The following COLQ variants were observed in gnomAD, a reference collection of about 807,000 sequenced individuals.
COLQ encodes the protein collagen like tail subunit of asymmetric acetylcholinesterase.
A neutral mutation model predicts 69.0 loss-of-function variants in COLQ; 48 were observed. The ratio of observed to expected loss-of-function variants is 0.70; its 90% CI spans 0.55 to 0.88. COLQ has a LOEUF of 0.88. Among genes scored for constraint, COLQ ranks in the 40% least tolerant of loss-of-function variants. The pLI is 0.00. For missense variants in COLQ, 618 were observed against 594.6 expected, an observed-to-expected ratio of 1.04 and a Z score of -0.41; for synonymous variants, 217 against 211.2, an observed-to-expected ratio of 1.03 and a Z score of -0.24.
intron 11 of COLQ, among the ~76,000 whole-genome samples, chr3:15,467,391 T>C (rs939884067): frequency 3.9e-5 from 6 of 152,186 alleles, no homozygotes; most frequent in Admixed American, 6.5e-5. Context: ...GATGTGAAAA[T>C]GTGGTTTGTA....
intron 16 of COLQ, among the ~76,000 whole-genome samples, 168 bp from the exon 17 acceptor site, chr3:15,451,881 TG>T (rs1207321187): frequency 1.3e-5 from 2 of 152,186 alleles, no homozygotes; most frequent in African/African-American, 4.8e-5. Context: ...CTGGGATTTT[TG>T]CCTTGAGGTC....
At chr3:15,510,924 A>G (rs2062977482) in intron 1 of COLQ, among the ~76,000 whole-genome samples, 1 of 152,050 alleles carries the variant, frequency 6.6e-6, no homozygotes, top group African/African-American at 2.4e-5. Flanking sequence ...CTCTCAGCTA[A>G]TGGGTTACGG....
rs904919131 is a variant in COLQ, at chr3:15,473,139, C to T, written c.636+861G>A. 5.3e-5 allele frequency among the ~76,000 whole-genome samples: 8 copies of T among 151,856 alleles called. No homozygotes were observed. The highest frequency in any genetic ancestry group is 1.5e-4 in the African/African-American group (6 of 41,286). On this transcript the variant is annotated intron_variant, in intron 10 of 16. Transcript: ENST00000383788. The surrounding 1 kb of genome is among the most constrained non-coding windows in gnomAD (Gnocchi z 4.0). ...TTAAGCCTTGTCCCAAGCAAGATATCCATTAAATATTTAACTATTTATTTA... is the reference window on the plus strand; with the variant it reads ...TTAAGCCTTGTCCCAAGCAAGATATTCATTAAATATTTAACTATTTATTTA...
intron 1 of COLQ, among the ~76,000 whole-genome samples, chr3:15,512,934 C>T (rs554837831): frequency 8.5e-5 from 13 of 152,330 alleles, no homozygotes; most frequent in African/African-American, 3.1e-4. Flanking sequence ...AGAGGCCCTA[C>T]TCCTAACCAC....
chr3:15,501,388 C>T (rs2062828436), intron 1 of COLQ, among the ~76,000 whole-genome samples: 1 of 152,210 alleles, frequency 6.6e-6, no homozygotes, highest in Non-Finnish European at 1.5e-5. Flanking sequence ...TGTCTCCCAC[C>T]ACTACCTCAC....
intron 1 of COLQ, among the ~76,000 whole-genome samples, chr3:15,519,481 A>C (rs902194062): frequency 3.9e-5 from 6 of 152,176 alleles, no homozygotes; most frequent in Non-Finnish European, 7.3e-5. Flanking sequence ...TAAGGCTCCA[A>C]ATCTGCCTGG....
At position 15,475,438 on chromosome 3, in the gene COLQ, G is replaced by A; in HGVS notation, c.515C>T (p.Pro172Leu). 6.2e-7 allele frequency: 1 copy of A among 1,600,016 alleles called. No homozygotes were observed. The highest frequency in any genetic ancestry group is 1.1e-5 in the South Asian group (1 of 88,538). The change falls in exon 7 of 17, where the codon CCA (proline) becomes CTA (leucine). Residue 172 changes from proline (P) to leucine (L), a missense_variant. Physicochemically the swap from Pro to Leu is moderately conservative, Grantham distance 98. Coordinates refer to ENST00000383788, the MANE Select transcript of COLQ (RefSeq NM_005677.4). Reference sequence around the variant, plus strand: ...CCCCACACTGACCTTGGAGCCCATTGGTCCTCTTGACCCTGGCAAGCCCAT... The same window carrying A: ...CCCCACACTGACCTTGGAGCCCATTAGTCCTCTTGACCCTGGCAAGCCCAT... Reference protein sequence around the residue: ...GMMGLPGSRGPMGSKGYPGSR... With the variant: ...GMMGLPGSRGLMGSKGYPGSR...
intron 6 of COLQ, among the ~76,000 whole-genome samples, chr3:15,476,748 CCTT>C (rs2062385588): frequency 6.6e-6 from 1 of 152,212 alleles, no homozygotes; most frequent in Non-Finnish European, 1.5e-5. Context: ...GCCAACACCA[CCTT>C]CTCAACTCTC....
At chr3:15,480,248 T>C (rs1326634676) in intron 3 of COLQ, among the ~76,000 whole-genome samples, 1 of 152,244 alleles carries the variant, frequency 6.6e-6, no homozygotes, top group Non-Finnish European at 1.5e-5. Context: ...TTGTTACATA[T>C]GTATACATGT....
chr3:15,506,366 T>C (rs1024968712), intron 1 of COLQ, among the ~76,000 whole-genome samples: 1 of 152,196 alleles, frequency 6.6e-6, no homozygotes, highest in African/African-American at 2.4e-5. Context: ...ATTACATGCA[T>C]GTGATTCAAA....
chr3:15,481,795 T>C (rs1428601582), intron 3 of COLQ, among the ~76,000 whole-genome samples: 6 of 152,334 alleles, frequency 3.9e-5, no homozygotes, highest in Non-Finnish European at 8.8e-5. Flanking sequence ...ATCTATAAAT[T>C]ACCTTGGGCA....
intron 11 of COLQ, among the ~76,000 whole-genome samples, chr3:15,468,130 G>C (rs1053169309): frequency 3.3e-5 from 5 of 152,098 alleles, no homozygotes; most frequent in African/African-American, 7.2e-5. Flanking sequence ...GCTTGAAGGA[G>C]CTGGAAATGC....
rs2062021963 is a variant in COLQ at position 15,456,155 on chromosome 3, T to G, written c.1075-136A>C. On this transcript the variant is annotated intron_variant, in intron 14 of 16. Coordinates refer to ENST00000383788, the MANE Select transcript of COLQ (RefSeq NM_005677.4). Reference sequence around the variant, plus strand: ...TTCCTCCCAGGGGTGGGAAAGGTACTCCTTTCCTGTTGCCCAGAGCTCTGT... The same window carrying G: ...TTCCTCCCAGGGGTGGGAAAGGTACGCCTTTCCTGTTGCCCAGAGCTCTGT... 5 of 1,075,474 alleles carry G rather than the reference T, an allele frequency of 4.6e-6. No individual in the cohort carries two copies. In the South Asian group the frequency reaches 6.7e-5, roughly 14 times the overall value. 66.6% of individuals were successfully genotyped at this position (1,075,474 alleles called of 1,614,324 possible). A position where few individuals can be genotyped will look rare whatever the true frequency, so the allele number is the denominator to read the frequency against.
chr3:15,462,781 G>T (rs1221920772), intron 12 of COLQ, among the ~76,000 whole-genome samples: 1 of 152,216 alleles, frequency 6.6e-6, no homozygotes, highest in Non-Finnish European at 1.5e-5. Flanking sequence ...GCCAAGGAAG[G>T]CCTTACTGAA....
rs185667104 is a variant in COLQ at position 15,471,373 on chromosome 3, A to G, written c.637-757T>C. On this transcript the variant is annotated intron_variant, in intron 10 of 16. Coordinates refer to ENST00000383788, the MANE Select transcript of COLQ (RefSeq NM_005677.4). Reference sequence around the variant, plus strand: ...TGCAGAATTTCATAGTTTAAGGCCAATATTTCACAAAACTCATTTCTCCAT... The same window carrying G: ...TGCAGAATTTCATAGTTTAAGGCCAGTATTTCACAAAACTCATTTCTCCAT... 9.6e-4 allele frequency among the ~76,000 whole-genome samples: 147 copies of G among 152,356 alleles called. 2 individuals carry two copies. The highest frequency in any genetic ancestry group is 2.0e-4 in the Admixed American group (3 of 15,298).
chr3:15,461,167 C>T (rs1260299645), intron 12 of COLQ, among the ~76,000 whole-genome samples: 7 of 151,834 alleles, frequency 4.6e-5, no homozygotes, highest in Admixed American at 4.6e-4. Flanking sequence ...CAAATTACAT[C>T]CTAAAGGCAT....
In COLQ at chr3:15,491,974, C is replaced by T. The variant is rs558587908; in HGVS notation, c.107-2337G>A. On this transcript the variant is annotated intron_variant, in intron 1 of 16. Transcript: ENST00000383788. ...TCAGGAGGCTGAGGCAGAAGAATTG[C>T]TTGAACCTGGGAGATGGAGGTTGCA... Among the ~76,000 whole-genome samples, 7 of 151,780 alleles carry T rather than the reference C, an allele frequency of 4.6e-5. No homozygotes were observed. The South Asian group carries it at 1.2e-3, about 27-fold the overall frequency.
At chr3:15,504,436 C>T (rs561216430) in intron 1 of COLQ, among the ~76,000 whole-genome samples, 7 of 152,350 alleles carry the variant, frequency 4.6e-5, no homozygotes, top group East Asian at 3.9e-4. Context: ...CTTCGGAACA[C>T]ATCCTTCGTG....
intron 3 of COLQ, among the ~76,000 whole-genome samples, chr3:15,486,230 C>T (rs538915284): frequency 6.6e-6 from 1 of 152,302 alleles, no homozygotes; most frequent in South Asian, 2.1e-4. Flanking sequence ...AGTGCCTCTC[C>T]AACTTTAATG....
Sources: allele counts gnomAD v4.1 joint callset (sites outside exome capture counted in the v4.1 genomes callset), GRCh38; gene constraint gnomAD v4.1.1; non-coding constraint Gnocchi (gnomAD v3.1); transcripts MANE v1.5; gene names NCBI Gene and HGNC (gene_info 2026-07-23, HGNC 2026-07-21).